Variants in NAA25 observed in about 807,000 individuals in gnomAD.
The protein encoded by NAA25 is N-alpha-acetyltransferase 25, NatB auxiliary subunit.
Under a neutral mutation model 132.5 loss-of-function variants are expected in NAA25, and 30 were observed. That is an observed-to-expected ratio of 0.23 (90% CI 0.17 to 0.31). NAA25 has a LOEUF of 0.31. Ranked by LOEUF, NAA25 falls within the 10% of genes least tolerant of loss-of-function variation. NAA25 has a pLI of 1.00. For missense variants in NAA25, 771 were observed against 1,150.4 expected (o/e 0.67, Z 4.77); for synonymous variants, 359 against 401.9 (o/e 0.89, Z 1.28).
intron 1 of NAA25, among the ~76,000 whole-genome samples, chr12:112,093,992 C>A (rs1037699622): frequency 2.0e-5 from 3 of 151,650 alleles, no homozygotes; most frequent in African/African-American, 7.3e-5. Flanking sequence ...CTTATCCCAG[C>A]ACTTTGGGAG....
chr12:112,086,841 G>GT (rs2079064899), intron 4 of NAA25, among the ~76,000 whole-genome samples: 1 of 151,806 alleles, frequency 6.6e-6, no homozygotes, highest in Non-Finnish European at 1.5e-5. Context: ...GAGAAACCCT[G>GT]TCTCTATTAA....
chr12:112,047,390 C>T (rs531480126), intron 17 of NAA25, among the ~76,000 whole-genome samples: 123 of 152,164 alleles, frequency 8.1e-4, no homozygotes, highest in African/African-American at 3.0e-3. Context: ...CGCCACCACG[C>T]CCAGGTAATT....
chr12:112,091,470 C>T (rs767520664), intron 2 of NAA25, among the ~76,000 whole-genome samples: 8 of 151,850 alleles, frequency 5.3e-5, no homozygotes, highest in Middle Eastern at 3.2e-3. Flanking sequence ...GGGAGGATTG[C>T]TTGAGCCCAC....
At chr12:112,045,750 A>G (rs1179963912) in intron 17 of NAA25, among the ~76,000 whole-genome samples, 3 of 152,074 alleles carry the variant, frequency 2.0e-5, no homozygotes, top group East Asian at 3.9e-4. Context: ...AGCCGAGATC[A>G]TGCGACTGCA....
At chr12:112,036,714 G>A (rs1055872328) in intron 22 of NAA25, among the ~76,000 whole-genome samples, 47 of 151,938 alleles carry the variant, frequency 3.1e-4, no homozygotes, top group Non-Finnish European at 5.9e-4. Context: ...CTGGGAGAGC[G>A]GCATCTGCCT....
chr12:112,033,539 G>A, intron 22 of NAA25, 160 bp from the exon 23 acceptor site: 1 of 492,520 alleles, frequency 2.0e-6, no homozygotes, highest in Admixed American at 4.0e-5. Flanking sequence ...CTAGACATTT[G>A]GAGATACAAA....
At chr12:112,058,190 C>T (rs2078575673) in intron 13 of NAA25, among the ~76,000 whole-genome samples, 1 of 151,516 alleles carries the variant, frequency 6.6e-6, no homozygotes, top group South Asian at 2.1e-4. Flanking sequence ...TGGTTACATA[C>T]AATGTCCTAC....
At chr12:112,088,817 T>C (rs919872889) in intron 3 of NAA25, among the ~76,000 whole-genome samples, 2 of 151,940 alleles carry the variant, frequency 1.3e-5, no homozygotes, top group Non-Finnish European at 2.9e-5. Context: ...ATGGGGTTTC[T>C]CCATGTTGGT....
At chr12:112,079,786 G>C (rs954441276) in intron 5 of NAA25, among the ~76,000 whole-genome samples, 2 of 152,140 alleles carry the variant, frequency 1.3e-5, no homozygotes, top group African/African-American at 4.8e-5. Flanking sequence ...CTGAGGCTCA[G>C]AAAGGAGAAG....
chr12:112,073,434 C>T (rs2078844861), intron 9 of NAA25, among the ~76,000 whole-genome samples: 1 of 151,968 alleles, frequency 6.6e-6, no homozygotes, highest in Non-Finnish European at 1.5e-5. Context: ...TTTAAAAGAT[C>T]CCATTTATTC....
At chr12:112,032,594 C>T (rs2078164434) in intron 23 of NAA25, among the ~76,000 whole-genome samples, 1 of 152,220 alleles carries the variant, frequency 6.6e-6, no homozygotes, top group Non-Finnish European at 1.5e-5. Context: ...GACGACTCCA[C>T]CACTGTCCTT....
At chr12:112,081,011 T>A (rs771170274) in intron 5 of NAA25, 49 bp downstream of exon 5, 6 of 1,444,386 alleles carry the variant, frequency 4.2e-6, no homozygotes, top group Non-Finnish European at 4.9e-6. Context: ...ACAATAACTA[T>A]ATAAAAAATA....
chr12:112,062,259 G>T (rs932800112), intron 11 of NAA25, among the ~76,000 whole-genome samples: 1 of 152,162 alleles, frequency 6.6e-6, no homozygotes, highest in South Asian at 2.1e-4. Flanking sequence ...AAATTAGCCA[G>T]GCATGGTGGC....
intron 15 of NAA25, among the ~76,000 whole-genome samples, chr12:112,050,260 T>G (rs1477571258): frequency 6.6e-6 from 1 of 152,148 alleles, no homozygotes; most frequent in Non-Finnish European, 1.5e-5. Context: ...GAAGTAGTAC[T>G]ACGTGAAGAA....
At chr12:112,081,201 C>T (rs995392810) in intron 4 of NAA25, 67 bp from the exon 5 acceptor site, 3 of 1,350,246 alleles carry the variant, frequency 2.2e-6, no homozygotes, top group African/African-American at 1.5e-5. Flanking sequence ...GATCTAGATA[C>T]ACGACAAAAA....
At chr12:112,087,309 A>G (rs1326724620) in intron 4 of NAA25, among the ~76,000 whole-genome samples, 1 of 152,178 alleles carries the variant, frequency 6.6e-6, no homozygotes, top group Non-Finnish European at 1.5e-5. Flanking sequence ...TAAATTTACA[A>G]ATTAGATGTA....
In NAA25 at chr12:112,068,206, T is replaced by G. The variant is rs140225735; in HGVS notation, c.1149+674A>C. Among the ~76,000 whole-genome samples, 217 of 152,252 alleles carry G rather than the reference T, an allele frequency of 1.4e-3. 2 individuals are homozygous for G. Among genetic ancestry groups the G allele is most frequent in the African/African-American group, 4.8e-3 (198 of 41,554 alleles). ...AGGCACGTGCCACCGTACCTGGCTG[T>G]ACTTCACATTCAAAAAATGACAAAA... On this transcript the variant is annotated intron_variant, in intron 11 of 23. Transcript: ENST00000261745.
At chr12:112,063,305 G>C (rs1025597683) in intron 11 of NAA25, among the ~76,000 whole-genome samples, 3 of 152,086 alleles carry the variant, frequency 2.0e-5, no homozygotes, top group Non-Finnish European at 4.4e-5. Context: ...GTGCTGATGG[G>C]ACTAAAATAG....
intron 2 of NAA25, 89 bp from the exon 3 acceptor site, chr12:112,090,953 A>G (rs1191059516): frequency 7.8e-7 from 1 of 1,288,960 alleles, no homozygotes; most frequent in African/African-American, 1.5e-5. Context: ...ACAAGTATTA[A>G]GTTATGCCTA....
Sources: gnomAD v4.1 joint callset for allele counts (sites outside exome capture counted in the v4.1 genomes callset) on GRCh38, gnomAD v4.1.1 for gene constraint, MANE v1.5 for transcripts, NCBI Gene and HGNC (gene_info 2026-07-23, HGNC 2026-07-21) for gene names.